The following MYH9 variants were observed in gnomAD, a reference collection of about 807,000 sequenced individuals.
The protein encoded by MYH9 is myosin heavy chain 9, also known as myosin-9.
Under a neutral mutation model 241.9 loss-of-function variants are expected in MYH9, and 29 were observed. The ratio of observed to expected loss-of-function variants is 0.12; its 90% CI spans 0.09 to 0.16. The LOEUF is 0.16. Among genes scored for constraint, MYH9 ranks in the 10% least tolerant of loss-of-function variants. The probability of loss-of-function intolerance (pLI) is 1.00; values close to 1 mark genes in which losing one functional copy is unlikely to be tolerated. For missense variants in MYH9, 1,803 were observed against 2,595.5 expected (o/e 0.69, Z 6.63); for synonymous variants, 1,047 against 1,062.6 (o/e 0.99, Z 0.29).
intron 19 of MYH9, 82 bp from the exon 20 acceptor site, chr22:36,302,758 T>G: frequency 8.1e-7 from 1 of 1,229,124 alleles, no homozygotes; most frequent in South Asian, 1.2e-5. Context: ...CTCAAGCTTT[T>G]CTGGGGGTCT....
chr22:36,387,179 C>G (rs987524619), intron 1 of MYH9, among the ~76,000 whole-genome samples: 2 of 152,210 alleles, frequency 1.3e-5, no homozygotes, highest in Admixed American at 1.3e-4. Flanking sequence ...CCGGGCCCTC[C>G]CCGACCAGTC....
intron 14 of MYH9, among the ~76,000 whole-genome samples, chr22:36,310,222 A>G (rs1274200675): frequency 6.6e-6 from 1 of 151,062 alleles, no homozygotes; most frequent in Non-Finnish European, 1.5e-5. Flanking sequence ...GTGAGCCGAG[A>G]TCGTGCCACT....
chr22:36,361,407 T>C (rs919639615), intron 1 of MYH9, among the ~76,000 whole-genome samples: 4 of 152,126 alleles, frequency 2.6e-5, no homozygotes, highest in African/African-American at 9.7e-5. Context: ...TGAAAGATGA[T>C]GGCATTTGCC....
At chr22:36,369,200 T>C (rs2146414595) in intron 1 of MYH9, among the ~76,000 whole-genome samples, 1 of 152,292 alleles carries the variant, frequency 6.6e-6, no homozygotes, top group South Asian at 2.1e-4. Context: ...CCACTATCTA[T>C]TTCTTTCTGT....
chr22:36,385,610 C>T (rs960950595), intron 1 of MYH9, among the ~76,000 whole-genome samples: 10 of 152,080 alleles, frequency 6.6e-5, no homozygotes, highest in African/African-American at 2.2e-4. Context: ...TCTCCTCTAC[C>T]CTCCTGAACC....
intron 1 of MYH9, among the ~76,000 whole-genome samples, chr22:36,351,476 C>A (rs1445823903): frequency 6.6e-6 from 1 of 152,126 alleles, no homozygotes; most frequent in African/African-American, 2.4e-5. Flanking sequence ...CCAGGAGCAG[C>A]CTCCAGGGCA....
At chr22:36,327,059 TGTTAA>T (rs1368273760) in intron 4 of MYH9, among the ~76,000 whole-genome samples, 2 of 152,216 alleles carry the variant, frequency 1.3e-5, no homozygotes, top group African/African-American at 4.8e-5. Context: ...TGGATCTCCT[TGTTAA>T]GTTCAGAGGC....
At chr22:36,362,995 C>T (rs1219094897) in intron 1 of MYH9, among the ~76,000 whole-genome samples, 1 of 152,140 alleles carries the variant, frequency 6.6e-6, no homozygotes, top group Non-Finnish European at 1.5e-5. Flanking sequence ...CTACAACCCT[C>T]CATTCCAGTC....
chr22:36,379,255 C>A (rs2018218277), intron 1 of MYH9, among the ~76,000 whole-genome samples: 1 of 152,220 alleles, frequency 6.6e-6, no homozygotes. Flanking sequence ...CGCCTGTAAT[C>A]CCAGCACTTC....
At chr22:36,360,073 C>CACCACCACCACCACT (rs2017915303) in intron 1 of MYH9, among the ~76,000 whole-genome samples, 1 of 151,060 alleles carries the variant, frequency 6.6e-6, no homozygotes, top group Non-Finnish European at 1.5e-5. Flanking sequence ...CCACCACCAC[C>CACCACCACCACCACT]ACCTAACATC....
At chr22:36,368,767 C>T (rs1372927519) in intron 1 of MYH9, among the ~76,000 whole-genome samples, 2 of 152,092 alleles carry the variant, frequency 1.3e-5, no homozygotes, top group Non-Finnish European at 2.9e-5. Context: ...CTCTGACTCC[C>T]AACCACAACC....
In MYH9 at chr22:36,285,137, G is replaced by A. The variant is rs769798224; in HGVS notation, c.5467C>T (p.Leu1823=). Residue 1823 remains leucine (L), a synonymous_variant, in exon 38 of 41, where the codon CTG becomes TTG. Transcript: ENST00000216181. This position sits in a 1 kb window ranked among gnomAD's most constrained non-coding sequence, Gnocchi z 7.0. ...GGCACGTACTTGGTCTCGTTGTCCA[G>A]CTGCTCCTCCAGCTGTGCAATCTTG... ...EAKIAQLEEQ[L]DNETKERQAA... The A allele has an allele frequency of 1.2e-6, 2 of 1,614,082 alleles. No homozygotes were observed. The highest frequency in any genetic ancestry group is 1.7e-6 in the Non-Finnish European group (2 of 1,180,030).
At chr22:36,384,258 G>C (rs1454103573) in intron 1 of MYH9, among the ~76,000 whole-genome samples, 1 of 140,970 alleles carries the variant, frequency 7.1e-6, no homozygotes, top group African/African-American at 2.7e-5. Context: ...GCGAGAGTGA[G>C]ACTCATCTCA....
At chr22:36,318,167 C>T (rs758163754) in intron 11 of MYH9, 40 bp downstream of exon 11, 92 of 1,569,710 alleles carry the variant, frequency 5.9e-5, no homozygotes, top group Non-Finnish European at 7.5e-5. Context: ...GGGACATTCA[C>T]CCAGGAGGCA....
rs2146346569 is a variant in MYH9 at position 36,303,995 on chromosome 22, T to C, written c.2390A>G (p.Lys797Arg). The C allele has an allele frequency of 6.2e-7, 1 of 1,613,408 alleles. No individual in the cohort carries two copies. Among genetic ancestry groups the C allele is most frequent in the Non-Finnish European group, 8.5e-7 (1 of 1,179,982 alleles). Residue 797 changes from lysine (K) to arginine (R), a missense_variant and splice_region_variant, in exon 19 of 41, where the codon AAA (lysine) becomes AGA (arginine). Lys to Arg is a conservative substitution (Grantham distance 26). Around this residue, in one of 11 missense-constraint regions of MYH9, gnomAD observed 72 missense variants for 83.3 expected, o/e 0.86. Coordinates refer to ENST00000216181, the MANE Select transcript of MYH9 (RefSeq NM_002473.6). ...QACCRGYLAR[K>R]AFAKRQQQLT... ...GGCAGGAGTATCTCCCGGGACTCAC[T>C]TCCTGGCCAGGTAGCCCCTGCAGCA...
Position 36,320,875 on chromosome 22 carries a change from G to A in MYH9, c.791C>T (p.Ala264Val), listed in dbSNP as rs1245854888. Residue 264 changes from alanine (A) to valine (V), a missense_variant, in exon 8 of 41, where the codon GCT becomes GTT. Coordinates refer to ENST00000216181, the MANE Select transcript of MYH9 (RefSeq NM_002473.6). This position sits in a 1 kb window ranked among gnomAD's most constrained non-coding sequence, Gnocchi z 4.8. ...CCGTTCTTCCTTGGCTTGGCGGATA[G>A]CACGAGATTTCTCCAAAAGATCTTT... is the stretch of plus-strand genomic sequence containing the variant. Reference protein sequence around the residue: ...IETYLLEKSRAIRQAKEERTF... With the variant: ...IETYLLEKSRVIRQAKEERTF... The A allele has an allele frequency of 6.2e-7, 1 of 1,613,764 alleles. No individual in the cohort carries two copies. Among genetic ancestry groups the A allele is most frequent in the Non-Finnish European group, 8.5e-7 (1 of 1,179,874 alleles).
intron 1 of MYH9, among the ~76,000 whole-genome samples, chr22:36,366,885 C>T (rs2018018846): frequency 1.3e-5 from 2 of 152,192 alleles, no homozygotes; most frequent in Admixed American, 1.3e-4. Flanking sequence ...AACAAACCCC[C>T]ATCCTGATCC....
At chr22:36,374,149 G>A (rs1247148953) in intron 1 of MYH9, among the ~76,000 whole-genome samples, 2 of 152,032 alleles carry the variant, frequency 1.3e-5, no homozygotes, top group Middle Eastern at 6.8e-3. Context: ...TTGGGAGGTC[G>A]AGGCAAGTGG....
At chr22:36,377,011 C>T (rs140463220) in intron 1 of MYH9, among the ~76,000 whole-genome samples, 6,005 of 151,216 alleles carry the variant, frequency 0.04, 134 homozygotes, top group Middle Eastern at 0.082. Flanking sequence ...TGCAGTGAGC[C>T]AAGATCGTGC....
Sources: allele counts gnomAD v4.1 joint callset (sites outside exome capture counted in the v4.1 genomes callset), GRCh38; gene constraint gnomAD v4.1.1; regional missense constraint gnomAD v4.1.1; non-coding constraint Gnocchi (gnomAD v3.1); transcripts MANE v1.5; gene names NCBI Gene and HGNC (gene_info 2026-07-23, HGNC 2026-07-21).